ATRNL1: variants seen among roughly 807,000 people sequenced by gnomAD.
The protein encoded by ATRNL1 is attractin-like protein 1.
A neutral mutation model predicts 182.7 loss-of-function variants in ATRNL1; 95 were observed. That is an observed-to-expected ratio of 0.52 (90% CI 0.44 to 0.62). The LOEUF is 0.62. ATRNL1 is among the 20% of genes least tolerant of loss of function. The pLI is 0.00. For missense variants in ATRNL1, 1,471 were observed against 1,679.5 expected (o/e 0.88, Z 2.17); for synonymous variants, 576 against 568.3 (o/e 1.01, Z -0.19).
At chr10:115,321,650 C>G (rs1854589574) in intron 18 of ATRNL1, among the ~76,000 whole-genome samples, 1 of 144,030 alleles carries the variant, frequency 6.9e-6, no homozygotes, top group Non-Finnish European at 1.5e-5. Flanking sequence ...TATCATAATA[C>G]TGAAGAGGGA....
In ATRNL1 at chr10:115,463,195, A is replaced by G. The variant is rs187288863; in HGVS notation, c.3417+1160A>G. Among the ~76,000 whole-genome samples, 1,141 of 151,980 alleles carry G rather than the reference A, an allele frequency of 7.5e-3. 9 individuals carry two copies. The highest frequency in any genetic ancestry group is 0.012 in the Non-Finnish European group (822 of 67,910). On this transcript the variant is annotated intron_variant, in intron 22 of 28. Transcript: ENST00000355044. ...TTCACTGGACTTGCTGACAACTAATATAATTTCTTAAATTTTTCTTTTCCA... is the reference window on the plus strand; with the variant it reads ...TTCACTGGACTTGCTGACAACTAATGTAATTTCTTAAATTTTTCTTTTCCA...
chr10:115,551,702 T>G (rs1361153110), intron 26 of ATRNL1, among the ~76,000 whole-genome samples: 1 of 151,542 alleles, frequency 6.6e-6, no homozygotes, highest in Non-Finnish European at 1.5e-5. Flanking sequence ...AATGTAAAAT[T>G]CTAAATGTTA....
intron 5 of ATRNL1, among the ~76,000 whole-genome samples, chr10:115,149,623 G>A (rs1327471709): frequency 6.6e-6 from 1 of 152,048 alleles, no homozygotes; most frequent in Non-Finnish European, 1.5e-5. Context: ...TCATGTTGCT[G>A]ATATGATAGA....
At chr10:115,752,414 G>C (rs1948473301) in intron 27 of ATRNL1, among the ~76,000 whole-genome samples, 1 of 152,010 alleles carries the variant, frequency 6.6e-6, no homozygotes, top group African/African-American at 2.4e-5. Context: ...GTTATAGGCA[G>C]TAGGGTTCAG....
At chr10:115,094,454 G>A (rs1056528880) in intron 1 of ATRNL1, among the ~76,000 whole-genome samples, 8 of 152,176 alleles carry the variant, frequency 5.3e-5, no homozygotes, top group Non-Finnish European at 7.4e-5. Context: ...TCACAAAAGT[G>A]TAAAGGTTCA....
rs188747379 is a variant in ATRNL1, at chr10:115,456,553, C to A, written c.3323-5388C>A. 8.2e-3 allele frequency among the ~76,000 whole-genome samples: 1,245 copies of A among 152,230 alleles called. 15 individuals carry two copies. The highest frequency in any genetic ancestry group is 0.012 in the Non-Finnish European group (830 of 68,014). On this transcript the variant is annotated intron_variant, in intron 21 of 28. Transcript: ENST00000355044. ...AATACAGATGACAGGTTGATGGATG[C>A]AGCAAACTACCATGGCACATGTATA...
chr10:115,524,181 A>G (rs561273336), intron 25 of ATRNL1, among the ~76,000 whole-genome samples: 16 of 152,296 alleles, frequency 1.1e-4, no homozygotes, highest in Middle Eastern at 3.4e-3. Flanking sequence ...TCCATTTATG[A>G]TGGATCTACC....
intron 1 of ATRNL1, among the ~76,000 whole-genome samples, chr10:115,105,650 C>G (rs1554865715): frequency 6.6e-6 from 1 of 152,302 alleles, no homozygotes; most frequent in South Asian, 2.1e-4. Flanking sequence ...CTTGGTGTCC[C>G]TTGTCCCAGC....
chr10:115,166,848 CTT>C (rs1416108949), intron 7 of ATRNL1, among the ~76,000 whole-genome samples: 1 of 151,814 alleles, frequency 6.6e-6, no homozygotes, highest in Non-Finnish European at 1.5e-5. Context: ...TATGGGCTGT[CTT>C]TTCACTTTGT....
intron 7 of ATRNL1, among the ~76,000 whole-genome samples, chr10:115,170,015 T>G (rs1424655157): frequency 7.2e-5 from 11 of 152,162 alleles, no homozygotes; most frequent in African/African-American, 2.7e-4. Context: ...TGCTGATTCA[T>G]TTATTAGCTC....
chr10:115,477,012 A>T (rs1288920204), intron 24 of ATRNL1, among the ~76,000 whole-genome samples: 3 of 151,674 alleles, frequency 2.0e-5, no homozygotes, highest in African/African-American at 7.2e-5. Flanking sequence ...AAATTGAGAG[A>T]TGAGTAATAT....
At chr10:115,719,660 T>C (rs1947359043) in intron 26 of ATRNL1, among the ~76,000 whole-genome samples, 1 of 152,166 alleles carries the variant, frequency 6.6e-6, no homozygotes, top group Non-Finnish European at 1.5e-5. Context: ...AGGGATATTA[T>C]TTTACTTTTC....
At chr10:115,621,276 T>TATATATAGGG (rs1268020830) in intron 26 of ATRNL1, among the ~76,000 whole-genome samples, 18 of 47,594 alleles carry the variant, frequency 3.8e-4, no homozygotes, top group Non-Finnish European at 5.4e-4. Flanking sequence ...TATATATATA[T>TATATATAGGG]AGAGAGAGAG....
chr10:115,302,129 G>A, intron 17 of ATRNL1, 86 bp downstream of exon 17: 6 of 1,277,976 alleles, frequency 4.7e-6, no homozygotes, highest in Admixed American at 5.2e-5. Flanking sequence ...AATATTTGAA[G>A]AAGTTTCAAA....
chr10:115,717,655 G>A (rs904004243), intron 26 of ATRNL1, among the ~76,000 whole-genome samples: 3 of 149,768 alleles, frequency 2.0e-5, no homozygotes, highest in Non-Finnish European at 3.0e-5. Flanking sequence ...GGGTTAAAGC[G>A]ATTGTCCTCC....
intron 27 of ATRNL1, among the ~76,000 whole-genome samples, chr10:115,825,296 G>A (rs1278309772): frequency 6.6e-5 from 10 of 152,116 alleles, no homozygotes; most frequent in Non-Finnish European, 1.3e-4. Context: ...TGGGGGACTA[G>A]GGGAGAGATA....
intron 27 of ATRNL1, among the ~76,000 whole-genome samples, chr10:115,820,697 G>A (rs1486037116): frequency 2.6e-5 from 4 of 151,930 alleles, no homozygotes; most frequent in East Asian, 1.9e-4. Flanking sequence ...TCTGAGAGGC[G>A]GTACAAAGTC....
chr10:115,836,059 G>T (rs74558630), intron 27 of ATRNL1, among the ~76,000 whole-genome samples: 5 of 152,106 alleles, frequency 3.3e-5, no homozygotes, highest in African/African-American at 9.7e-5. Context: ...AACGTATAAC[G>T]TATACTACCT....
At chr10:115,463,776 T>G (rs1262575072) in intron 22 of ATRNL1, among the ~76,000 whole-genome samples, 3 of 152,092 alleles carry the variant, frequency 2.0e-5, no homozygotes, top group Non-Finnish European at 4.4e-5. Flanking sequence ...ATCTGGCTTA[T>G]TTCATTTAGC....
Sources: allele counts gnomAD v4.1 joint callset (sites outside exome capture counted in the v4.1 genomes callset), GRCh38; gene constraint gnomAD v4.1.1; transcripts MANE v1.5; gene names NCBI Gene and HGNC (gene_info 2026-07-23, HGNC 2026-07-21).